Variants in EFCAB11 observed in about 807,000 individuals in gnomAD.
EFCAB11 encodes EF-hand calcium-binding domain-containing protein 11.
In EFCAB11, 14 loss-of-function variants were observed where a neutral mutation model predicts 23.0. The observed-to-expected ratio is 0.61, with a 90% CI of 0.40 to 0.95. EFCAB11 has a LOEUF of 0.95. Ranked by LOEUF, EFCAB11 falls within the 40% of genes least tolerant of loss-of-function variation. The probability of loss-of-function intolerance (pLI) is 0.00; values close to 1 mark genes in which losing one functional copy is unlikely to be tolerated. For missense variants in EFCAB11, 198 were observed against 195.8 expected (o/e 1.01, Z -0.07); for synonymous variants, 65 against 66.6 (o/e 0.98, Z 0.11).
At chr14:89,798,915 T>G (rs1435256489) in intron 5 of EFCAB11, among the ~76,000 whole-genome samples, 2 of 152,120 alleles carry the variant, frequency 1.3e-5, no homozygotes, top group Non-Finnish European at 2.9e-5. Context: ...GCCTCCTGAG[T>G]AGCTAAGACT....
At chr14:89,835,585 CGTGTGTGTGTGTGTGTGT>C (rs67831579) in intron 5 of EFCAB11, among the ~76,000 whole-genome samples, 1,493 of 93,394 alleles carry the variant, frequency 0.016, 12 homozygotes, top group South Asian at 0.038. Flanking sequence ...GGATGCTCAA[CGTGTGTGTGTGTGTGTGT>C]GTGTGTGTGT....
At chr14:89,835,456 T>C (rs911206209) in intron 5 of EFCAB11, among the ~76,000 whole-genome samples, 23 of 152,208 alleles carry the variant, frequency 1.5e-4, no homozygotes, top group Admixed American at 1.4e-3. Flanking sequence ...TTTTGGTTTA[T>C]GAAACAAAGT....
At chr14:89,858,653 C>G (rs1401895947) in intron 5 of EFCAB11, among the ~76,000 whole-genome samples, 1 of 127,834 alleles carries the variant, frequency 7.8e-6, no homozygotes, top group Non-Finnish European at 1.7e-5. Flanking sequence ...CCACACCCAG[C>G]TAATTTTTTT....
intron 5 of EFCAB11, among the ~76,000 whole-genome samples, chr14:89,900,305 G>A (rs912345731): frequency 4.6e-5 from 7 of 151,852 alleles, no homozygotes; most frequent in Non-Finnish European, 8.8e-5. Context: ...AGACATACAC[G>A]AATGATTAAA....
At chr14:89,858,838 T>C (rs1887835330) in intron 5 of EFCAB11, among the ~76,000 whole-genome samples, 1 of 152,034 alleles carries the variant, frequency 6.6e-6, no homozygotes, top group African/African-American at 2.4e-5. Context: ...AAAACAATTA[T>C]CTTAATTGCT....
intron 5 of EFCAB11, chr14:89,924,620 G>C (rs775544371): frequency 3.1e-5 from 47 of 1,535,182 alleles, no homozygotes; most frequent in Admixed American, 5.9e-5. Flanking sequence ...AGTCAAGAAA[G>C]AACTTTAAGT....
intron 5 of EFCAB11, among the ~76,000 whole-genome samples, chr14:89,810,002 G>GGTAC (rs1331115189): frequency 2.0e-5 from 3 of 152,208 alleles, no homozygotes; most frequent in Non-Finnish European, 4.4e-5. Context: ...TGTAGCCTAT[G>GGTAC]GTACACACTA....
At chr14:89,844,029 T>C (rs1887352481) in intron 5 of EFCAB11, among the ~76,000 whole-genome samples, 2 of 152,208 alleles carry the variant, frequency 1.3e-5, no homozygotes, top group Admixed American at 1.3e-4. Flanking sequence ...GTCGACCAAA[T>C]ACTAAAGGCT....
At chr14:89,835,962 C>G (rs1400982222) in intron 5 of EFCAB11, among the ~76,000 whole-genome samples, 1 of 152,054 alleles carries the variant, frequency 6.6e-6, no homozygotes, top group African/African-American at 2.4e-5. Flanking sequence ...CACTCAACAA[C>G]CTAAGCGTAA....
At chr14:89,871,644 A>G (rs561015568) in intron 5 of EFCAB11, among the ~76,000 whole-genome samples, 4 of 152,298 alleles carry the variant, frequency 2.6e-5, no homozygotes, top group Non-Finnish European at 5.9e-5. Flanking sequence ...CAGTTTTCCC[A>G]TGTTACTAAT....
chr14:89,923,724 A>G (rs1337082864), intron 5 of EFCAB11: 2 of 985,332 alleles, frequency 2.0e-6, no homozygotes, highest in Non-Finnish European at 2.4e-6. Context: ...AATAACTGTG[A>G]TCTTACTGAA....
chr14:89,862,983 C>T (rs1887972716), intron 5 of EFCAB11, among the ~76,000 whole-genome samples: 1 of 152,068 alleles, frequency 6.6e-6, no homozygotes, highest in African/African-American at 2.4e-5. Flanking sequence ...GAAATGTTTC[C>T]ATACATTTAC....
intron 5 of EFCAB11, among the ~76,000 whole-genome samples, chr14:89,883,507 C>A (rs1251496839): frequency 1.3e-5 from 2 of 152,110 alleles, no homozygotes; most frequent in Non-Finnish European, 2.9e-5. Flanking sequence ...TAAATCATCT[C>A]CAGATTATTC....
intron 5 of EFCAB11, among the ~76,000 whole-genome samples, chr14:89,820,578 G>A (rs1886482373): frequency 6.6e-6 from 1 of 151,054 alleles, no homozygotes; most frequent in Non-Finnish European, 1.5e-5. Flanking sequence ...TCATCAAAAC[G>A]TTAGAAGACT....
At chr14:89,938,050 T>C (rs1890652076) in intron 3 of EFCAB11, 1 of 152,114 alleles carries the variant, frequency 6.6e-6, no homozygotes, top group Non-Finnish European at 1.5e-5. Flanking sequence ...TAAGTATAGT[T>C]TTTTGTGGTT....
chr14:89,911,382 T>C (rs990331901), intron 5 of EFCAB11, among the ~76,000 whole-genome samples: 40 of 152,072 alleles, frequency 2.6e-4, no homozygotes, highest in African/African-American at 7.7e-4. Context: ...AAGGGGGGTT[T>C]GGGGGTGGAG....
intron 5 of EFCAB11, among the ~76,000 whole-genome samples, chr14:89,915,240 T>C (rs551341554): frequency 6.6e-6 from 1 of 152,344 alleles, no homozygotes; most frequent in Non-Finnish European, 1.5e-5. Flanking sequence ...AATATTAACA[T>C]AGACCAATGA....
chr14:89,807,241 TTA>T (rs1885998340), intron 5 of EFCAB11, among the ~76,000 whole-genome samples: 2 of 152,168 alleles, frequency 1.3e-5, no homozygotes, highest in Admixed American at 6.5e-5. Context: ...ATGAAGAAAA[TTA>T]TGTTTTCAAT....
chr14:89,919,352 C>T (rs539324169), intron 5 of EFCAB11, among the ~76,000 whole-genome samples: 142 of 152,320 alleles, frequency 9.3e-4, no homozygotes, highest in African/African-American at 3.2e-3. Context: ...GCCCACTTAA[C>T]AGTGCAGGCC....
Sources: allele counts gnomAD v4.1 joint callset (sites outside exome capture counted in the v4.1 genomes callset), GRCh38; gene constraint gnomAD v4.1.1; transcripts MANE v1.5; gene names NCBI Gene and HGNC (gene_info 2026-07-23, HGNC 2026-07-21).